The following FHIP2A variants were observed in gnomAD, a reference collection of about 807,000 sequenced individuals.
FHIP2A encodes FHF complex subunit HOOK interacting protein 2A.
A neutral mutation model predicts 93.5 loss-of-function variants in FHIP2A; 46 were observed. That is an observed-to-expected ratio of 0.49 (90% CI 0.39 to 0.63). The LOEUF is 0.63. FHIP2A is among the 20% of genes least tolerant of loss of function. FHIP2A has a pLI of 0.00. For missense variants in FHIP2A, 769 were observed against 909.7 expected, an observed-to-expected ratio of 0.85 and a Z score of 1.99; for synonymous variants, 332 against 326.5, an observed-to-expected ratio of 1.02 and a Z score of -0.18.
At chr10:114,888,357 G>A (rs2083953286) in intron 16 of FHIP2A, among the ~76,000 whole-genome samples, 1 of 152,128 alleles carries the variant, frequency 6.6e-6, no homozygotes, top group Admixed American at 6.5e-5. Context: ...GGAGACGGGA[G>A]GCTGCTCAAA....
chr10:114,871,746 T>C (rs1446674108), intron 16 of FHIP2A, among the ~76,000 whole-genome samples: 1 of 152,156 alleles, frequency 6.6e-6, no homozygotes, highest in Non-Finnish European at 1.5e-5. Flanking sequence ...AATATATTTC[T>C]TAGTACCTCA....
downstream of FHIP2A, among the ~76,000 whole-genome samples, chr10:114,867,961 A>G (rs533945595): frequency 4.1e-4 from 53 of 130,814 alleles, no homozygotes; most frequent in East Asian, 9.8e-3. Flanking sequence ...TTTTTTTTTG[A>G]GACAGGGTCT....
intron 13 of FHIP2A, among the ~76,000 whole-genome samples, chr10:114,849,624 A>G (rs533638431): frequency 1.6e-4 from 24 of 152,360 alleles, no homozygotes; most frequent in African/African-American, 5.3e-4. Context: ...ATAAAATTCA[A>G]CGTTTTAACT....
Position 114,862,879 on chromosome 10 carries a change from C to T in FHIP2A, c.*1339C>T. 3.0e-6 allele frequency: 3 copies of T among 985,442 alleles called. No homozygotes were observed. Among genetic ancestry groups the T allele is most frequent in the Non-Finnish European group, 3.6e-6 (3 of 829,936 alleles). The allele number at this position is 985,442 out of a possible 1,614,324, so 61.0% of individuals were successfully genotyped here. A position where few individuals can be genotyped will look rare whatever the true frequency, so the allele number is the denominator to read the frequency against. On this transcript the variant is annotated 3_prime_UTR_variant, in exon 17 of 17. Coordinates refer to ENST00000369248, the MANE Select transcript of FHIP2A (RefSeq NM_020940.4). ...AAGGTTCCGGCTTGAAGGGAACTGT[C>T]ACTACCCCCTCTAGGAAGTTATTTT...
At chr10:114,825,381 T>TA (rs1247079332) in intron 1 of FHIP2A, among the ~76,000 whole-genome samples, 2 of 152,236 alleles carry the variant, frequency 1.3e-5, no homozygotes, top group Non-Finnish European at 2.9e-5. Flanking sequence ...GGCTTAAACA[T>TA]AGAGTTTATC....
intron 16 of FHIP2A, among the ~76,000 whole-genome samples, chr10:114,874,807 A>AT (rs2083876361): frequency 1.3e-5 from 2 of 151,810 alleles, no homozygotes; most frequent in Non-Finnish European, 2.9e-5. Context: ...CCCGGCCGGA[A>AT]TTTTTTCATT....
chr10:114,837,709 ACCCCTACGCCCTAG>A (rs2083644120), intron 5 of FHIP2A, among the ~76,000 whole-genome samples: 1 of 151,906 alleles, frequency 6.6e-6, no homozygotes, highest in Non-Finnish European at 1.5e-5. Context: ...TCCCTTCTCC[ACCCCTACGCCCTAG>A]CAGTCACTGA....
In FHIP2A at chr10:114,845,408, C is replaced by T. The variant is rs750707601; in HGVS notation, c.1055C>T (p.Pro352Leu). ...CATAAAGAAGATGCTTCAGCATTTCCAGGAAAACGAGCCTTAATTTCATTT... is the reference window on the plus strand; with the variant it reads ...CATAAAGAAGATGCTTCAGCATTTCTAGGAAAACGAGCCTTAATTTCATTT... The part of the protein sequence containing the change: ...YSHKEDASAF[P>L]GKRALISFLS... Residue 352 changes from proline (P) to leucine (L), a missense_variant, in exon 8 of 17, where the codon CCA (proline) becomes CTA (leucine). By Grantham distance (98) the Pro-to-Leu change is moderately conservative. Transcript: ENST00000369248. The T allele has an allele frequency of 4.8e-5, 77 of 1,613,342 alleles. No homozygotes were observed. The Middle Eastern group carries it at 6.6e-4, about 14-fold the overall frequency.
intron 12 of FHIP2A, among the ~76,000 whole-genome samples, chr10:114,847,949 T>A (rs2083712026): frequency 6.6e-6 from 1 of 152,184 alleles, no homozygotes; most frequent in Non-Finnish European, 1.5e-5. Flanking sequence ...TGAGCCACCA[T>A]GCTGAGTCAT....
At chr10:114,876,295 G>T (rs2083888945) in intron 16 of FHIP2A, among the ~76,000 whole-genome samples, 1 of 152,204 alleles carries the variant, frequency 6.6e-6, no homozygotes. Context: ...CTCTGGTCCT[G>T]CTCCGACCTT....
At chr10:114,856,827 G>A (rs958789484) in intron 14 of FHIP2A, among the ~76,000 whole-genome samples, 5 of 152,158 alleles carry the variant, frequency 3.3e-5, no homozygotes, top group African/African-American at 1.2e-4. Context: ...TCCTGTAACC[G>A]TGTATCATAG....
chr10:114,895,262 C>T (rs2083995469), intron 16 of FHIP2A, among the ~76,000 whole-genome samples: 1 of 152,110 alleles, frequency 6.6e-6, no homozygotes, highest in African/African-American at 2.4e-5. Context: ...AGCCATTTCC[C>T]AAAATGACTT....
At chr10:114,841,291 G>GT (rs2083667036) in intron 5 of FHIP2A, among the ~76,000 whole-genome samples, 1 of 115,696 alleles carries the variant, frequency 8.6e-6, no homozygotes, top group East Asian at 2.2e-4. Flanking sequence ...ATATGCCATT[G>GT]GTTTTTTTTT....
At chr10:114,887,773 T>C (rs573876090) in intron 16 of FHIP2A, among the ~76,000 whole-genome samples, 6 of 152,198 alleles carry the variant, frequency 3.9e-5, no homozygotes, top group Non-Finnish European at 8.8e-5. Flanking sequence ...TGTACCAGGC[T>C]GTGAGAATGC....
In FHIP2A at chr10:114,864,688, T is replaced by TA; in HGVS notation, c.*3154dup. 1.0e-6 allele frequency: 1 copy of TA among 984,716 alleles called. No individual in the cohort carries two copies. Among genetic ancestry groups the TA allele is most frequent in the Non-Finnish European group, 1.2e-6 (1 of 829,146 alleles). The allele number at this position is 984,716 out of a possible 1,614,324, so 61.0% of individuals were successfully genotyped here. A position where few individuals can be genotyped will look rare whatever the true frequency, so the allele number is the denominator to read the frequency against. On this transcript the variant is annotated 3_prime_UTR_variant, in exon 17 of 17. Transcript: ENST00000369248. ...GCATGCAGGACTAAGAGGGATGATC[T>TA]AAAAAATAAATAATGTAATTTAAAC...
chr10:114,823,886 G>A (rs2083558462), intron 1 of FHIP2A, among the ~76,000 whole-genome samples: 1 of 152,130 alleles, frequency 6.6e-6, no homozygotes, highest in South Asian at 2.1e-4. Context: ...GCAGTCAGCT[G>A]TCTTATCCGT....
intron 16 of FHIP2A, among the ~76,000 whole-genome samples, chr10:114,888,466 GA>G (rs2083953732): frequency 6.6e-6 from 1 of 152,152 alleles, no homozygotes; most frequent in African/African-American, 2.4e-5. Flanking sequence ...ATGACAAGTG[GA>G]AAGATACGAA....
intron 13 of FHIP2A, among the ~76,000 whole-genome samples, chr10:114,849,785 A>G (rs1592021556): frequency 6.6e-6 from 1 of 151,910 alleles, no homozygotes. Flanking sequence ...CTCCCCGCCA[A>G]CCCCCAGCCC....
chr10:114,876,430 AT>A (rs1210372974), intron 16 of FHIP2A, among the ~76,000 whole-genome samples: 2 of 152,088 alleles, frequency 1.3e-5, no homozygotes, highest in African/African-American at 4.8e-5. Context: ...GGCACCCCAC[AT>A]CACCTCCCCG....
Sources: allele counts gnomAD v4.1 joint callset (sites outside exome capture counted in the v4.1 genomes callset), GRCh38; gene constraint gnomAD v4.1.1; transcripts MANE v1.5; gene names NCBI Gene and HGNC (gene_info 2026-07-23, HGNC 2026-07-21).